DLGAP2: variants seen among roughly 807,000 people sequenced by gnomAD.
DLGAP2 encodes DLG associated protein 2.
Under a neutral mutation model 100.3 loss-of-function variants are expected in DLGAP2, and 26 were observed. The ratio of observed to expected loss-of-function variants is 0.26; its 90% CI spans 0.19 to 0.36. DLGAP2 has a LOEUF of 0.36. Ranked by LOEUF, DLGAP2 falls within the 10% of genes least tolerant of loss-of-function variation. The pLI, the probability that DLGAP2 is intolerant of heterozygous loss-of-function variation, is 1.00. For missense variants in DLGAP2, 1,858 were observed against 1,453.2 expected (o/e 1.28, Z -4.53); for synonymous variants, 886 against 630.1 (o/e 1.41, Z -6.08).
chr8:1,685,429 T>C (rs1006605704), intron 12 of DLGAP2, among the ~76,000 whole-genome samples: 1 of 152,196 alleles, frequency 6.6e-6, no homozygotes, highest in African/African-American at 2.4e-5. Context: ...CACAGCTTAA[T>C]GGAACGTCCA....
At chr8:1,162,713 C>T (rs1416937285) in intron 2 of DLGAP2, among the ~76,000 whole-genome samples, 3 of 152,164 alleles carry the variant, frequency 2.0e-5, no homozygotes, top group Non-Finnish European at 4.4e-5. Context: ...TGCAAACAGC[C>T]CCAGGGAGTG....
intron 3 of DLGAP2, among the ~76,000 whole-genome samples, chr8:1,365,833 C>T (rs576084398): frequency 1.6e-4 from 25 of 152,312 alleles, no homozygotes; most frequent in East Asian, 1.2e-3. Flanking sequence ...CCTGGGGGGC[C>T]GCAGCTCAGA....
rs1292302867 is a variant in DLGAP2, at chr8:1,388,658, C to G, written c.107-112708C>G. Among the ~76,000 whole-genome samples, 89 of 35,346 alleles carry G rather than the reference C, an allele frequency of 2.5e-3. 5 individuals are homozygous for G. Among genetic ancestry groups the G allele is most frequent in the Middle Eastern group, 0.031 (1 of 32 alleles). 23.2% of individuals were successfully genotyped at this position (35,346 alleles called of 152,430 possible). A position where few individuals can be genotyped will look rare whatever the true frequency, so the allele number is the denominator to read the frequency against. On this transcript the variant is annotated intron_variant, in intron 3 of 14. Transcript: ENST00000637795. ...AGGTGTCAGGGCTGTGAGAGGCAGA[C>G]GCCGTGGAAGAGGAGGCGCTGGTTC...
intron 6 of DLGAP2, among the ~76,000 whole-genome samples, chr8:1,574,944 T>C (rs1022657575): frequency 3.9e-5 from 6 of 152,250 alleles, no homozygotes; most frequent in South Asian, 2.1e-4. Context: ...TGGAATCCAC[T>C]GTTGTGCTTC....
intron 2 of DLGAP2, among the ~76,000 whole-genome samples, chr8:1,241,297 T>C (rs1395794213): frequency 1.3e-5 from 2 of 151,218 alleles, no homozygotes; most frequent in African/African-American, 4.9e-5. Flanking sequence ...TTCTCTCACA[T>C]GGAGCCGTGT....
chr8:855,106 G>A (rs775515545), intron 1 of DLGAP2, among the ~76,000 whole-genome samples: 7 of 152,230 alleles, frequency 4.6e-5, no homozygotes, highest in Admixed American at 2.0e-4. Flanking sequence ...AGTCTGGGAT[G>A]TGCGATTGGG....
At chr8:1,134,879 C>A (rs527631727) in intron 2 of DLGAP2, among the ~76,000 whole-genome samples, 5 of 152,164 alleles carry the variant, frequency 3.3e-5, no homozygotes, top group Admixed American at 1.3e-4. Context: ...AGACCTCCCT[C>A]CGTGATCCAA....
At chr8:1,647,359 G>A (rs1345402821) in intron 8 of DLGAP2, among the ~76,000 whole-genome samples, 2 of 151,564 alleles carry the variant, frequency 1.3e-5, no homozygotes, top group Non-Finnish European at 2.9e-5. Flanking sequence ...CGTCGTGGTG[G>A]GTGCCTGTAG....
chr8:1,549,657 G>A lies in DLGAP2; in HGVS notation c.1204G>A (p.Ala402Thr), dbSNP rs1182052906. 7 of 1,562,036 alleles carry A rather than the reference G, an allele frequency of 4.5e-6. No individual in the cohort carries two copies. Among genetic ancestry groups the A allele is most frequent in the Admixed American group, 3.8e-5 (2 of 53,178 alleles). ...KPLLHQDAKP[A>T]LRPCHYLQVP... ...GCTGCTGCACCAGGACGCCAAGCCC[G>A]CCCTGAGGCCGTGCCACTACCTCCA... The change falls in exon 5 of 15, where the codon GCC becomes ACC. Residue 402 changes from alanine to threonine, a missense_variant. Physicochemically the swap from Ala to Thr is moderately conservative, Grantham distance 58 (BLOSUM62 0). Coordinates refer to ENST00000637795, the MANE Select transcript of DLGAP2 (RefSeq NM_001346810.2).
intron 2 of DLGAP2, among the ~76,000 whole-genome samples, chr8:1,046,237 C>G (rs187006193): frequency 1.4e-3 from 219 of 152,264 alleles, no homozygotes; most frequent in African/African-American, 5.1e-3. Context: ...TGAATGCAAT[C>G]TGTAATTTGG....
intron 2 of DLGAP2, among the ~76,000 whole-genome samples, chr8:1,257,780 G>A (rs1190738660): frequency 1.3e-5 from 2 of 151,998 alleles, no homozygotes; most frequent in East Asian, 1.9e-4. Flanking sequence ...GAGGGCCCGT[G>A]CAGGCCAGTG....
chr8:1,299,347 G>C (rs1213278054), intron 3 of DLGAP2, among the ~76,000 whole-genome samples: 1 of 152,202 alleles, frequency 6.6e-6, no homozygotes, highest in Non-Finnish European at 1.5e-5. Context: ...CCATACAAGG[G>C]AATAAACAAG....
chr8:1,022,827 G>C (rs554500481), intron 2 of DLGAP2, among the ~76,000 whole-genome samples: 1 of 152,142 alleles, frequency 6.6e-6, no homozygotes, highest in Admixed American at 6.5e-5. Context: ...GGAGTGGATG[G>C]TTCCGTGCCG....
chr8:744,133 C>T (rs1383936483), intron 1 of DLGAP2, among the ~76,000 whole-genome samples: 1 of 152,172 alleles, frequency 6.6e-6, no homozygotes, highest in South Asian at 2.1e-4. Context: ...TCAGACCCAG[C>T]GCCGCTTCCC....
intron 1 of DLGAP2, chr8:738,165 C>G: frequency 5.9e-6 from 1 of 170,724 alleles, no homozygotes; most frequent in Non-Finnish European, 1.2e-5. Context: ...GGGGCAAAGC[C>G]TGGGGGGTGC....
At position 1,031,418 on chromosome 8, in the gene DLGAP2, T is replaced by C. The variant is rs114745218; in HGVS notation, c.73+123452T>C. ...TTTTTTTTAATTTTATTTATTTGTT[T>C]GTTTATTTTTTGAGACAGGGCCTCA... On this transcript the variant is annotated intron_variant, in intron 2 of 14. Transcript: ENST00000637795. 7.1e-3 allele frequency among the ~76,000 whole-genome samples: 1,075 copies of C among 152,210 alleles called. 16 individuals are homozygous for C. Among genetic ancestry groups the C allele is most frequent in the African/African-American group, 0.025 (1,019 of 41,518 alleles).
At chr8:1,411,615 C>T (rs540496581) in intron 3 of DLGAP2, among the ~76,000 whole-genome samples, 1 of 152,336 alleles carries the variant, frequency 6.6e-6, no homozygotes, top group Admixed American at 6.5e-5. Context: ...GGGCCTCGTG[C>T]TCCTCCTGGC....
At chr8:1,333,656 G>T (rs998931560) in intron 3 of DLGAP2, among the ~76,000 whole-genome samples, 1 of 152,200 alleles carries the variant, frequency 6.6e-6, no homozygotes, top group South Asian at 2.1e-4. Context: ...GGTAATTTGT[G>T]TGCCGATGTA....
intron 3 of DLGAP2, among the ~76,000 whole-genome samples, chr8:1,392,134 T>C (rs1172602791): frequency 6.6e-6 from 1 of 152,126 alleles, no homozygotes; most frequent in Non-Finnish European, 1.5e-5. Flanking sequence ...CATCTCTAAT[T>C]TTTCAGAGGC....
Sources: gnomAD v4.1 joint callset for allele counts (sites outside exome capture counted in the v4.1 genomes callset) on GRCh38, gnomAD v4.1.1 for gene constraint, MANE v1.5 for transcripts, NCBI Gene and HGNC (gene_info 2026-07-23, HGNC 2026-07-21) for gene names.